PCDHA8: variants seen among roughly 807,000 people sequenced by gnomAD.
PCDHA8 encodes protocadherin alpha-8.
A neutral mutation model predicts 61.8 loss-of-function variants in PCDHA8; 53 were observed. That is an observed-to-expected ratio of 0.86 (90% CI 0.69 to 1.08). The LOEUF (loss-of-function observed/expected upper bound fraction) is 1.08. Ranked by LOEUF, PCDHA8 falls within the 50% of genes least tolerant of loss-of-function variation. PCDHA8 has a pLI of 0.00. For synonymous variants in PCDHA8, 618 were observed against 556.6 expected, an observed-to-expected ratio of 1.11 and a Z score of -1.55; for missense variants, 1,293 against 1,245.0, an observed-to-expected ratio of 1.04 and a Z score of -0.58.
At position 140,933,976 on chromosome 5, in the gene PCDHA8, A is replaced by G. The variant is rs1359426492; in HGVS notation, c.2395-44973A>G. ...ATCTGTAGTGATGTTTCCCTTTTCA[A>G]TCCTGGTGTTAGTGTCACCTCTCAT... On this transcript the variant is annotated intron_variant, in intron 1 of 3. Coordinates refer to ENST00000531613, the MANE Select transcript of PCDHA8 (RefSeq NM_018911.3). Among the ~76,000 whole-genome samples, 3 of 151,666 alleles carry G rather than the reference A, an allele frequency of 2.0e-5. No homozygotes were observed. The East Asian group carries it at 5.8e-4, about 29-fold the overall frequency.
chr5:140,842,003 C>G lies in PCDHA8; in HGVS notation c.682C>G (p.Leu228Val). The change falls in exon 1 of 4, where the codon CTG (leucine) becomes GTG (valine). Residue 228 changes from leucine (L) to valine (V), a missense_variant. Coordinates refer to ENST00000531613, the MANE Select transcript of PCDHA8 (RefSeq NM_018911.3). ...ACCTGAGCTCACAGGCACTGTTCAG[C>G]TGCTGGTCACAGTGCTGGATGTGAA... ...GKPELTGTVQLLVTVLDVNDN... is the reference protein window; with the variant it reads ...GKPELTGTVQVLVTVLDVNDN... The G allele has an allele frequency of 6.2e-7, 1 of 1,613,776 alleles. No homozygotes were observed. The highest frequency in any genetic ancestry group is 8.5e-7 in the Non-Finnish European group (1 of 1,179,744).
At chr5:140,941,194 T>TCTTC (rs781904538) in intron 1 of PCDHA8, among the ~76,000 whole-genome samples, 2 of 112,354 alleles carry the variant, frequency 1.8e-5, no homozygotes, top group Non-Finnish European at 3.8e-5. Context: ...TCTTTTTTTT[T>TCTTC]CTTTCTTCCT....
intron 1 of PCDHA8, chr5:140,881,265 T>C (rs1352186503): frequency 1.7e-6 from 1 of 600,348 alleles, no homozygotes; most frequent in Non-Finnish European, 2.1e-6. Context: ...TACTCAGTGA[T>C]GATGAAGTAA....
intron 3 of PCDHA8, among the ~76,000 whole-genome samples, chr5:140,997,668 T>TTGTGTGTGTGTGTGTGTGTG (rs35184029): frequency 6.7e-6 from 1 of 148,244 alleles, no homozygotes; most frequent in African/African-American, 2.5e-5. Context: ...ATTATACAGC[T>TTGTGTGTGTGTGTGTGTGTG]TGTGTGTGTG....
intron 1 of PCDHA8, among the ~76,000 whole-genome samples, chr5:140,947,556 A>C (rs1281977555): frequency 1.3e-5 from 2 of 151,584 alleles, no homozygotes; most frequent in Admixed American, 6.6e-5. Flanking sequence ...TTCCGCTGGG[A>C]TTTATATTGG....
At chr5:140,979,564 A>G (rs1267870261) in intron 2 of PCDHA8, among the ~76,000 whole-genome samples, 2 of 152,222 alleles carry the variant, frequency 1.3e-5, no homozygotes, top group Non-Finnish European at 2.9e-5. Context: ...AAGATGAGCC[A>G]TGTAAAGGGC....
At chr5:140,865,937 T>A (rs529378074) in intron 1 of PCDHA8, 1 of 152,330 alleles carries the variant, frequency 6.6e-6, no homozygotes, top group South Asian at 2.1e-4. Context: ...AGAAACTTCA[T>A]GATTGTCTTC....
chr5:140,890,702 A>G (rs552792120), intron 1 of PCDHA8, among the ~76,000 whole-genome samples: 1 of 152,318 alleles, frequency 6.6e-6, no homozygotes, highest in African/African-American at 2.4e-5. Flanking sequence ...GGGACCTTAC[A>G]TTTTTAAAAT....
intron 1 of PCDHA8, chr5:140,882,497 G>A (rs1554174299): frequency 6.2e-7 from 1 of 1,614,140 alleles, no homozygotes; most frequent in South Asian, 1.1e-5. Context: ...CCTTCTGGAG[G>A]TAAATCTGCA....
intron 1 of PCDHA8, chr5:140,852,584 T>TTA (rs2042387314): frequency 1.2e-6 from 1 of 824,154 alleles, no homozygotes. Context: ...GCTTTTTTAT[T>TTA]TTTTTTTTTT....
rs549701659 is a variant in PCDHA8 at position 140,937,333 on chromosome 5, G to C, written c.2395-41616G>C. On this transcript the variant is annotated intron_variant, in intron 1 of 3. Transcript: ENST00000531613. ...ATTACAGGCGTGAGCCACCGCGCCCGGCTTCTTCCATTTATTTTATTATTT... is the reference window on the plus strand; with the variant it reads ...ATTACAGGCGTGAGCCACCGCGCCCCGCTTCTTCCATTTATTTTATTATTT... Among the ~76,000 whole-genome samples the C allele has an allele frequency of 2.8e-3, 423 of 151,952 alleles. 2 individuals carry two copies. Among genetic ancestry groups the C allele is most frequent in the Middle Eastern group, 0.014 (4 of 294 alleles).
In PCDHA8 at chr5:140,887,671, A is replaced by G. The variant is rs1417615702; in HGVS notation, c.2394+43956A>G. Among the ~76,000 whole-genome samples, 4 of 152,008 alleles carry G rather than the reference A, an allele frequency of 2.6e-5. No homozygotes were observed. In the East Asian group the frequency reaches 7.7e-4, roughly 29 times the overall value. The stretch of plus-strand genomic sequence containing the variant: ...ATATTCTTGGATCTGTGGATTTATC[A>G]TTTTCATCAAATTCAGGAAAAAATC... On this transcript the variant is annotated intron_variant, in intron 1 of 3. Transcript: ENST00000531613.
At chr5:140,985,608 G>A (rs76669319) in intron 3 of PCDHA8, among the ~76,000 whole-genome samples, 1,553 of 152,166 alleles carry the variant, frequency 0.01, 12 homozygotes, top group Middle Eastern at 0.054. Context: ...AGCCCTTTCC[G>A]TGAACCAGCT....
Position 140,927,344 on chromosome 5 carries a change from A to G in PCDHA8, c.2395-51605A>G, listed in dbSNP as rs144568777. 1.0e-4 allele frequency: 168 copies of G among 1,613,994 alleles called. No homozygotes were observed. Among genetic ancestry groups the G allele is most frequent in the Middle Eastern group, 8.2e-4 (5 of 6,062 alleles). On this transcript the variant is annotated intron_variant, in intron 1 of 3. Transcript: ENST00000531613. ...TTTACTCTCCCGAATGCCCAAGATGACGACGAGGGAAGCAATGGGATACTA... is the reference window on the plus strand; with the variant it reads ...TTTACTCTCCCGAATGCCCAAGATGGCGACGAGGGAAGCAATGGGATACTA...
In PCDHA8 at chr5:140,883,696, G is replaced by C. The variant is rs142212706; in HGVS notation, c.2394+39981G>C. On this transcript the variant is annotated intron_variant, in intron 1 of 3. Transcript: ENST00000531613. ...ATCCGCCGGGCTGCCACATCTTCAC[G>C]GTGTCTGCTCAGGACGCGGACGCAC... The C allele has an allele frequency of 1.7e-4, 276 of 1,613,818 alleles. 1 individual carries two copies. In the African/African-American group the frequency reaches 3.2e-3, roughly 19 times the overall value.
chr5:141,007,498 G>A (rs936217793), intron 3 of PCDHA8, among the ~76,000 whole-genome samples: 1 of 151,942 alleles, frequency 6.6e-6, no homozygotes. Flanking sequence ...GACCTAGGAG[G>A]CAGAGACTGC....
intron 1 of PCDHA8, chr5:140,926,750 G>T: frequency 8.0e-7 from 1 of 1,256,516 alleles, no homozygotes; most frequent in East Asian, 2.9e-5. Context: ...AACGTCGGCG[G>T]TCGCTGAGTA....
intron 1 of PCDHA8, chr5:140,851,337 C>T (rs2042031356): frequency 2.0e-6 from 2 of 978,912 alleles, no homozygotes; most frequent in African/African-American, 1.7e-5. Flanking sequence ...TAGTTCTCTA[C>T]ATTTCTCTGG....
chr5:140,979,807 A>T (rs376087021), intron 2 of PCDHA8, among the ~76,000 whole-genome samples: 2 of 152,258 alleles, frequency 1.3e-5, no homozygotes, highest in African/African-American at 4.8e-5. Flanking sequence ...CACAACTATC[A>T]AAAGGATTTA....
Sources: gnomAD v4.1 joint callset for allele counts (sites outside exome capture counted in the v4.1 genomes callset) on GRCh38, gnomAD v4.1.1 for gene constraint, MANE v1.5 for transcripts, NCBI Gene and HGNC (gene_info 2026-07-23, HGNC 2026-07-21) for gene names.